Variants in MTRF1 observed in about 807,000 individuals in gnomAD.
MTRF1 encodes the protein peptide chain release factor 1, mitochondrial.
A neutral mutation model predicts 62.9 loss-of-function variants in MTRF1; 51 were observed. That is an observed-to-expected ratio of 0.81 (90% confidence interval 0.65 to 1.02). MTRF1 has a LOEUF of 1.02. Ranked by LOEUF, MTRF1 falls within the 50% of genes least tolerant of loss-of-function variation. MTRF1 has a pLI of 0.00. For synonymous variants in MTRF1, 158 were observed against 181.9 expected, an observed-to-expected ratio of 0.87 and a Z score of 1.06; for missense variants, 446 against 530.0, an observed-to-expected ratio of 0.84 and a Z score of 1.56.
the MTRF1 span, among the ~76,000 whole-genome samples, chr13:41,292,670 A>G: frequency 6.6e-6 from 1 of 152,204 alleles, no homozygotes; most frequent in East Asian, 1.9e-4. Flanking sequence ...AAACTGCTCT[A>G]GCACTTTGTG....
intron 7 of MTRF1, among the ~76,000 whole-genome samples, chr13:41,228,535 C>T (rs1024067898): frequency 6.6e-6 from 1 of 152,102 alleles, no homozygotes; most frequent in Non-Finnish European, 1.5e-5. Flanking sequence ...TGCCACTGCA[C>T]TCTAGCCTGG....
chr13:41,222,411 A>C (rs2033581796), intron 9 of MTRF1, among the ~76,000 whole-genome samples: 1 of 152,150 alleles, frequency 6.6e-6, no homozygotes, highest in Non-Finnish European at 1.5e-5. Context: ...GGTAGGGAGA[A>C]TTCTAAGATG....
At chr13:41,222,223 C>G (rs2033525834) in intron 9 of MTRF1, among the ~76,000 whole-genome samples, 1 of 152,130 alleles carries the variant, frequency 6.6e-6, no homozygotes, top group South Asian at 2.1e-4. Context: ...AGTTCACTTT[C>G]TCCTTCAGTG....
intron 2 of MTRF1, among the ~76,000 whole-genome samples, chr13:41,255,920 A>G (rs1291974356): frequency 6.6e-6 from 1 of 152,134 alleles, no homozygotes; most frequent in Non-Finnish European, 1.5e-5. Flanking sequence ...GTCAGTGGCC[A>G]TTGCTGCAAA....
intron 5 of MTRF1, among the ~76,000 whole-genome samples, chr13:41,246,477 C>T (rs1172745187): frequency 1.3e-5 from 2 of 152,066 alleles, no homozygotes; most frequent in Non-Finnish European, 2.9e-5. Flanking sequence ...TTTTAGATTA[C>T]CCTTGAAAAT....
At chr13:41,242,992 G>A (rs1033726749) in intron 5 of MTRF1, among the ~76,000 whole-genome samples, 10 of 151,986 alleles carry the variant, frequency 6.6e-5, no homozygotes, top group Non-Finnish European at 8.8e-5. Context: ...AGGCCGAGGC[G>A]GGCAGATCAC....
the MTRF1 span, among the ~76,000 whole-genome samples, chr13:41,304,484 AG>A: frequency 5.6e-3 from 858 of 152,320 alleles, 3 homozygotes; most frequent in Non-Finnish European, 9.4e-3. Flanking sequence ...ATAACATCGT[AG>A]GTACTCAACA....
At chr13:41,233,771 C>T in intron 7 of MTRF1, 119 bp downstream of exon 7, 1 of 758,448 alleles carries the variant, frequency 1.3e-6, no homozygotes, top group Non-Finnish European at 2.3e-6. Context: ...ATCCACAACC[C>T]CAGTGACATT....
intron 9 of MTRF1, among the ~76,000 whole-genome samples, chr13:41,218,281 A>ATTTTTTTTTTTTTT (rs199717534): frequency 8.5e-6 from 1 of 117,832 alleles, no homozygotes; most frequent in African/African-American, 3.2e-5. Context: ...CACCCAGCTA[A>ATTTTTTTTTTTTTT]TTTTTTTTTT....
chr13:41,264,613 A>G (rs1594100322), upstream of MTRF1, among the ~76,000 whole-genome samples: 1 of 152,250 alleles, frequency 6.6e-6, no homozygotes, highest in Admixed American at 6.5e-5. Flanking sequence ...GTTTATAGCC[A>G]ACTTCAAGGT....
At chr13:41,288,508 A>G in the MTRF1 span, among the ~76,000 whole-genome samples, 593 of 152,318 alleles carry the variant, frequency 3.9e-3, 6 homozygotes, top group African/African-American at 0.013. Context: ...ATTAATTCAC[A>G]TGGACAATTG....
the MTRF1 span, among the ~76,000 whole-genome samples, chr13:41,293,631 T>C: frequency 9.8e-5 from 15 of 152,324 alleles, no homozygotes; most frequent in East Asian, 1.2e-3. Flanking sequence ...AGTGAACACC[T>C]GATAGTCACA....
chr13:41,218,185 G>A (rs553376864), intron 9 of MTRF1, among the ~76,000 whole-genome samples: 95 of 150,762 alleles, frequency 6.3e-4, no homozygotes, highest in Non-Finnish European at 1.6e-4. Context: ...GTGTGATCTC[G>A]GCTCACTGCA....
At chr13:41,283,890 T>C in the MTRF1 span, among the ~76,000 whole-genome samples, 3 of 152,236 alleles carry the variant, frequency 2.0e-5, no homozygotes, top group African/African-American at 7.2e-5. Flanking sequence ...GACAATCTTA[T>C]TTGTTCCCGT....
chr13:41,285,802 C>T, the MTRF1 span, among the ~76,000 whole-genome samples: 4 of 151,984 alleles, frequency 2.6e-5, no homozygotes, highest in Admixed American at 6.6e-5. Flanking sequence ...AAAACTGGGC[C>T]GGGCGTGGTG....
intron 5 of MTRF1, 53 bp downstream of exon 5, chr13:41,252,592 G>T: frequency 7.3e-7 from 1 of 1,373,668 alleles, no homozygotes; most frequent in South Asian, 1.2e-5. Context: ...ATCAAGATCA[G>T]AGGTAAAATA....
At chr13:41,267,483 C>T (rs1470611021), upstream of MTRF1, among the ~76,000 whole-genome samples, 1 of 152,166 alleles carries the variant, frequency 6.6e-6, no homozygotes, top group East Asian at 1.9e-4. Flanking sequence ...TTTTATTACT[C>T]ATTCTTCATT....
the MTRF1 span, among the ~76,000 whole-genome samples, chr13:41,293,183 T>G: frequency 6.6e-6 from 1 of 152,140 alleles, no homozygotes; most frequent in Non-Finnish European, 1.5e-5. Flanking sequence ...TTTAGATGTA[T>G]TTATACATAT....
At chr13:41,311,005 G>A in the MTRF1 span, among the ~76,000 whole-genome samples, 1 of 152,208 alleles carries the variant, frequency 6.6e-6, no homozygotes, top group Non-Finnish European at 1.5e-5. Flanking sequence ...ATAAGTAGGA[G>A]TCTTATGAGG....
Sources: allele counts gnomAD v4.1 joint callset (sites outside exome capture counted in the v4.1 genomes callset), GRCh38; gene constraint gnomAD v4.1.1; transcripts MANE v1.5; gene names NCBI Gene and HGNC (gene_info 2026-07-23, HGNC 2026-07-21).